The following MATN2 variants were observed in gnomAD, a reference collection of about 807,000 sequenced individuals.
The protein encoded by MATN2 is matrilin-2.
A neutral mutation model predicts 103.2 loss-of-function variants in MATN2; 69 were observed. The ratio of observed to expected loss-of-function variants is 0.67; its 90% confidence interval spans 0.55 to 0.82. The LOEUF is 0.82. MATN2 is among the 40% of genes least tolerant of loss of function. The pLI is 0.00. For synonymous variants in MATN2, 429 were observed against 450.2 expected (o/e 0.95, Z 0.60); for missense variants, 1,023 against 1,211.5 (o/e 0.84, Z 2.31).
chr8:97,931,028 A>G lies in MATN2; in HGVS notation c.218A>G (p.Tyr73Cys), dbSNP rs1166627028. The change falls in exon 3 of 19, where the codon TAT becomes TGT. Residue 73 changes from tyrosine to cysteine, a missense_variant. By Grantham distance (194) the Tyr-to-Cys change is radical (BLOSUM62 -2). Transcript: ENST00000254898. The surrounding 1 kb of genome is among the most constrained non-coding windows in gnomAD (Gnocchi z 4.1). ...TCTCGCAGTGTCAACACCCATGACT[A>G]TGCAAAGGTCAAGGAGTTCATCGTG... ...DSSRSVNTHD[Y>C]AKVKEFIVDI... 6.2e-7 allele frequency: 1 copy of G among 1,613,994 alleles called. No homozygotes were observed. Among genetic ancestry groups the G allele is most frequent in the Non-Finnish European group, 8.5e-7 (1 of 1,179,864 alleles).
chr8:97,921,534 A>C (rs1320985869), intron 2 of MATN2, among the ~76,000 whole-genome samples: 1 of 152,082 alleles, frequency 6.6e-6, no homozygotes, highest in Non-Finnish European at 1.5e-5. Flanking sequence ...AAGTGCCCTA[A>C]ATGCAGGGGA....
At chr8:97,873,040 C>T (rs1325438268) in intron 1 of MATN2, among the ~76,000 whole-genome samples, 1 of 152,118 alleles carries the variant, frequency 6.6e-6, no homozygotes, top group African/African-American at 2.4e-5. Flanking sequence ...GGTGATCTGC[C>T]CACTTTGTCC....
chr8:97,877,196 G>A (rs1459755334), intron 1 of MATN2, among the ~76,000 whole-genome samples: 1 of 151,654 alleles, frequency 6.6e-6, no homozygotes, highest in African/African-American at 2.4e-5. Context: ...TTTTTGGGGG[G>A]GCCAGGCACA....
intron 3 of MATN2, among the ~76,000 whole-genome samples, chr8:97,937,124 G>A (rs1449336450): frequency 2.0e-5 from 3 of 152,022 alleles, no homozygotes; most frequent in African/African-American, 4.8e-5. Flanking sequence ...CTTTTATTCA[G>A]TTCTGGTTCC....
chr8:97,917,275 C>G (rs1809663589), intron 2 of MATN2, among the ~76,000 whole-genome samples: 1 of 152,228 alleles, frequency 6.6e-6, no homozygotes, highest in Non-Finnish European at 1.5e-5. Context: ...TCTCTGCCAG[C>G]ACACTCACCT....
At chr8:98,033,331 T>C (rs1281051829) in intron 17 of MATN2, among the ~76,000 whole-genome samples, 155 bp downstream of exon 17, 3 of 152,182 alleles carry the variant, frequency 2.0e-5, no homozygotes, top group Non-Finnish European at 4.4e-5. Context: ...AACTAAAACA[T>C]AAACTAAAAG....
chr8:97,916,155 C>T (rs1378316972), intron 2 of MATN2, among the ~76,000 whole-genome samples: 1 of 151,930 alleles, frequency 6.6e-6, no homozygotes, highest in Admixed American at 6.6e-5. Flanking sequence ...CTGCAACCTC[C>T]ACCTCCTGGG....
intron 5 of MATN2, among the ~76,000 whole-genome samples, chr8:97,972,489 G>C (rs1811693243): frequency 6.6e-6 from 1 of 152,102 alleles, no homozygotes; most frequent in African/African-American, 2.4e-5. Flanking sequence ...CAAGTAAATT[G>C]GTTCTACCAT....
chr8:97,995,764 T>G (rs556579938), intron 7 of MATN2, among the ~76,000 whole-genome samples: 2 of 152,364 alleles, frequency 1.3e-5, no homozygotes, highest in East Asian at 3.9e-4. Flanking sequence ...AAACTGTGTA[T>G]AGTGGCAGAT....
chr8:97,992,931 T>C (rs201228998), intron 6 of MATN2, among the ~76,000 whole-genome samples: 42 of 95,750 alleles, frequency 4.4e-4, no homozygotes, highest in South Asian at 2.8e-3. Flanking sequence ...AAACAAACAA[T>C]AATAATAATA....
At chr8:98,010,248 GCT>G (rs1813113162) in intron 10 of MATN2, among the ~76,000 whole-genome samples, 1 of 151,972 alleles carries the variant, frequency 6.6e-6, no homozygotes, top group Non-Finnish European at 1.5e-5. Context: ...CACCTGATAG[GCT>G]CTCCTCTCCT....
chr8:97,978,916 G>T lies in MATN2; in HGVS notation c.989G>T (p.Gly330Val). Residue 330 changes from glycine (G) to valine (V), a missense_variant, in exon 6 of 19, where the codon GGA (glycine) becomes GTA (valine). Coordinates refer to ENST00000254898, the MANE Select transcript of MATN2 (RefSeq NM_002380.5). ...GACTACTGTGCCTCAGAAAACCACG[G>T]ATGTGAACATGAGTGTGTAAATGCT... is the stretch of plus-strand genomic sequence containing the variant. Reference protein sequence around the residue: ...AVDYCASENHGCEHECVNADG... With the variant: ...AVDYCASENHVCEHECVNADG... The T allele has an allele frequency of 6.2e-7, 1 of 1,613,826 alleles. No individual in the cohort carries two copies. Among genetic ancestry groups the T allele is most frequent in the South Asian group, 1.1e-5 (1 of 91,072 alleles).
At chr8:97,963,149 T>C (rs1455270999) in intron 5 of MATN2, among the ~76,000 whole-genome samples, 1 of 152,084 alleles carries the variant, frequency 6.6e-6, no homozygotes, top group African/African-American at 2.4e-5. Context: ...AACAAACAAA[T>C]AAACAAAAAA....
At chr8:98,004,908 G>A (rs1210826189) in intron 8 of MATN2, among the ~76,000 whole-genome samples, 1 of 152,250 alleles carries the variant, frequency 6.6e-6, no homozygotes, top group Non-Finnish European at 1.5e-5. Flanking sequence ...AGCAGGATAG[G>A]AGCGCCTGAG....
At chr8:97,919,360 G>A (rs904408950) in intron 2 of MATN2, among the ~76,000 whole-genome samples, 1 of 152,126 alleles carries the variant, frequency 6.6e-6, no homozygotes, top group Non-Finnish European at 1.5e-5. Context: ...AGCCTCCCGA[G>A]TAGCTGGGAT....
At chr8:97,929,309 C>G (rs760144140) in intron 2 of MATN2, among the ~76,000 whole-genome samples, 1 of 152,194 alleles carries the variant, frequency 6.6e-6, no homozygotes, top group Non-Finnish European at 1.5e-5. Context: ...TTTTGGCTTT[C>G]TCTCTCTTTC....
At chr8:97,963,395 G>T (rs569169591) in intron 5 of MATN2, among the ~76,000 whole-genome samples, 1 of 152,286 alleles carries the variant, frequency 6.6e-6, no homozygotes, top group Non-Finnish European at 1.5e-5. Flanking sequence ...TGGTCACAGG[G>T]AGTAGATGGG....
At chr8:98,023,516 G>A (rs1813677282) in intron 13 of MATN2, among the ~76,000 whole-genome samples, 1 of 151,730 alleles carries the variant, frequency 6.6e-6, no homozygotes, top group East Asian at 1.9e-4. Flanking sequence ...ACAAAAATTA[G>A]AAAAATTAGC....
chr8:97,980,141 A>G (rs1202323910), intron 6 of MATN2, among the ~76,000 whole-genome samples: 3 of 152,158 alleles, frequency 2.0e-5, no homozygotes, highest in African/African-American at 7.2e-5. Flanking sequence ...GAAAAGGGTG[A>G]GGTGGGGGTT....
Sources: gnomAD v4.1 joint callset for allele counts (sites outside exome capture counted in the v4.1 genomes callset) on GRCh38, gnomAD v4.1.1 for gene constraint, Gnocchi (gnomAD v3.1) non-coding constraint, MANE v1.5 for transcripts, NCBI Gene and HGNC (gene_info 2026-07-23, HGNC 2026-07-21) for gene names.